The following TNC variants were observed in gnomAD, a reference collection of about 807,000 sequenced individuals.
TNC encodes tenascin C, also known as tenascin.
Under a neutral mutation model 202.4 loss-of-function variants are expected in TNC, and 109 were observed. The observed-to-expected ratio is 0.54, with a 90% CI of 0.46 to 0.63. The LOEUF is 0.63. Ranked by LOEUF, TNC falls within the 30% of genes least tolerant of loss-of-function variation. TNC has a pLI of 0.00. For missense variants in TNC, 2,756 were observed against 2,833.3 expected (o/e 0.97, Z 0.62); for synonymous variants, 1,007 against 1,089.7 (o/e 0.92, Z 1.50).
rs1834772792 is a variant in TNC, at chr9:115,086,722, T to C, written c.1009A>G (p.Thr337Ala). Residue 337 changes from threonine to alanine, a missense_variant, in exon 3 of 28, where the codon ACA becomes GCA. Thr to Ala is a moderately conservative substitution (Grantham distance 58, BLOSUM62 0). Transcript: ENST00000350763. ...NGTCYCEEGF[T>A]GEDCGKPTCP... ...GTGGGTTTCCCGCAGTCTTCACCTG[T>C]GAAGCCTTCTTCGCAGTAGCAGGTG... 6.2e-7 allele frequency: 1 copy of C among 1,613,942 alleles called. No homozygotes were observed.
At chr9:115,031,940 C>T (rs1380997924) in intron 22 of TNC, among the ~76,000 whole-genome samples, 1 of 152,102 alleles carries the variant, frequency 6.6e-6, no homozygotes, top group African/African-American at 2.4e-5. Flanking sequence ...GAGGGAGAGA[C>T]CGCATCTGGT....
chr9:115,069,610 CCCTCCCTCT>C (rs1833223612), intron 10 of TNC, among the ~76,000 whole-genome samples: 1 of 19,536 alleles, frequency 5.1e-5, no homozygotes, highest in East Asian at 9.8e-4. Context: ...CTCCCTCCCT[CCCTCCCTCT>C]CTCCCTCCCT....
At chr9:115,089,496 C>G (rs935262564) in intron 2 of TNC, among the ~76,000 whole-genome samples, 20 of 152,046 alleles carry the variant, frequency 1.3e-4, no homozygotes, top group African/African-American at 4.3e-4. Context: ...CTCTCTCTCT[C>G]TCTCTCTATC....
chr9:115,081,638 T>C, intron 6 of TNC, 134 bp downstream of exon 6: 1 of 1,028,696 alleles, frequency 9.7e-7, no homozygotes, highest in Non-Finnish European at 1.5e-6. Context: ...TTTAAACCAC[T>C]GTATCTGGAT....
At position 115,064,575 on chromosome 9, in the gene TNC, T is replaced by C. The variant is rs540184978; in HGVS notation, c.3487+72A>G. 21 of 1,508,674 alleles carry C rather than the reference T, an allele frequency of 1.4e-5. No homozygotes were observed. In the East Asian group the frequency reaches 4.5e-4, roughly 33 times the overall value. 93.5% of individuals were successfully genotyped at this position (1,508,674 alleles called of 1,614,324 possible). A position where few individuals can be genotyped will look rare whatever the true frequency, so the allele number is the denominator to read the frequency against. ...CAGAACAAGTCCATTCCAAAGCTAG[T>C]CGTGTCTGATTATTCATGGGCAGTT... On this transcript the variant is annotated intron_variant, in intron 11 of 27. Coordinates refer to ENST00000350763, the MANE Select transcript of TNC (RefSeq NM_002160.4).
intron 3 of TNC, among the ~76,000 whole-genome samples, 191 bp from the exon 4 acceptor site, chr9:115,084,663 C>T (rs112167003): frequency 1.8e-4 from 28 of 152,190 alleles, no homozygotes; most frequent in African/African-American, 6.8e-4. Context: ...GTTCCTTAGT[C>T]CATTTCCTTC....
intron 15 of TNC, among the ~76,000 whole-genome samples, chr9:115,050,647 C>A (rs1350140249): frequency 6.6e-6 from 1 of 152,150 alleles, no homozygotes; most frequent in African/African-American, 2.4e-5. Flanking sequence ...GTCTATTGTT[C>A]TATCTAGCCT....
In TNC at chr9:115,110,145, G is replaced by T. The variant is rs1296220308; in HGVS notation, c.-137+7837C>A. 3.9e-5 allele frequency among the ~76,000 whole-genome samples: 6 copies of T among 152,044 alleles called. 1 individual carries two copies. Among genetic ancestry groups the T allele is most frequent in the Admixed American group, 3.3e-4 (5 of 15,258 alleles). ...GTGGTGCCTGAACTGAATTTTGAGA[G>T]AAAAATATGAATAGGTGAAAAACAT... On this transcript the variant is annotated intron_variant, in intron 1 of 27. Transcript: ENST00000350763.
chr9:115,081,990 T>C, intron 5 of TNC, 62 bp from the exon 6 acceptor site: 1 of 1,458,472 alleles, frequency 6.9e-7, no homozygotes, highest in Non-Finnish European at 9.3e-7. Context: ...ATTTATGTGA[T>C]TCATTCACTC....
chr9:115,048,359 C>T lies in TNC; in HGVS notation c.4753G>A (p.Glu1585Lys), dbSNP rs754793893. The T allele has an allele frequency of 3.7e-6, 6 of 1,614,106 alleles. No homozygotes were observed. In the East Asian group the frequency reaches 8.9e-5, roughly 24 times the overall value. The part of the protein sequence containing the change: ...FTLSGTQRKL[E>K]LRGLITGIGY... ...ATGCCAGTTATGAGGCCTCTAAGCT[C>T]CAGCTTCCTCTGGGTTCCTGAAAGT... is the stretch of plus-strand genomic sequence containing the variant. Residue 1585 changes from glutamate (E) to lysine (K), a missense_variant, in exon 16 of 28, where the codon GAG (glutamate) becomes AAG (lysine). Coordinates refer to ENST00000350763, the MANE Select transcript of TNC (RefSeq NM_002160.4).
rs1832216637 is a variant in TNC at position 115,057,410 on chromosome 9, A to G, written c.4322T>C (p.Ile1441Thr). ...AEASTAKEPE[I>T]GNLNVSDITP... ...TATGTCAGAAACATTTAAGTTTCCA[A>G]TTTCAGGTTCTTTGGCTGTAAAAGG... Residue 1441 changes from isoleucine to threonine, a missense_variant, in exon 15 of 28, where the codon ATT becomes ACT. This residue lies in a region of TNC where 2,559 missense variants were observed against 2,546.0 expected (regional missense o/e 1.01). Transcript: ENST00000350763. The G allele has an allele frequency of 1.9e-6, 3 of 1,609,228 alleles. No homozygotes were observed. The highest frequency in any genetic ancestry group is 2.7e-5 in the African/African-American group (2 of 74,786).
intron 2 of TNC, among the ~76,000 whole-genome samples, chr9:115,087,532 G>A (rs1380067760): frequency 2.9e-4 from 2 of 6,788 alleles, no homozygotes; most frequent in Non-Finnish European, 1.6e-3. Context: ...ATAGGGGTGT[G>A]TGTGTGTGTG....
intron 11 of TNC, among the ~76,000 whole-genome samples, 174 bp from the exon 12 acceptor site, chr9:115,064,242 G>A (rs1170242035): frequency 6.6e-6 from 1 of 152,228 alleles, no homozygotes; most frequent in African/African-American, 2.4e-5. Context: ...AGAGGAAAGT[G>A]CAGGAAAATA....
intron 1 of TNC, among the ~76,000 whole-genome samples, chr9:115,099,301 C>T (rs1245340506): frequency 6.6e-6 from 1 of 152,124 alleles, no homozygotes; most frequent in Non-Finnish European, 1.5e-5. Context: ...AGGTCTTGCC[C>T]TTAATGAGCT....
chr9:115,075,416 T>C (rs1346941390), intron 9 of TNC, among the ~76,000 whole-genome samples: 1 of 152,162 alleles, frequency 6.6e-6, no homozygotes. Flanking sequence ...TAGATAATGG[T>C]TTATTTAAAA....
intron 6 of TNC, 33 bp from the exon 7 acceptor site, chr9:115,078,245 G>C (rs1834034492): frequency 3.2e-6 from 5 of 1,574,340 alleles, no homozygotes; most frequent in Non-Finnish European, 3.5e-6. Flanking sequence ...AGGCTTCAGA[G>C]GTTAGGGCCA....
Position 115,026,709 on chromosome 9 carries a change from G to T in TNC, c.6170-14C>A. The T allele has an allele frequency of 6.2e-7, 1 of 1,612,794 alleles. No homozygotes were observed. The highest frequency in any genetic ancestry group is 1.1e-5 in the South Asian group (1 of 90,944). ...GGTTGTCCAGCCCTGTGGATGACAG[G>T]CAAGGGTTGCTAAGAAGCACAGGTG... On this transcript the variant is annotated splice_polypyrimidine_tract_variant and intron_variant, in intron 25 of 27. Coordinates refer to ENST00000350763, the MANE Select transcript of TNC (RefSeq NM_002160.4).
intron 13 of TNC, 108 bp downstream of exon 13, chr9:115,062,809 G>A (rs1832649301): frequency 1.8e-5 from 23 of 1,287,792 alleles, no homozygotes; most frequent in Non-Finnish European, 2.3e-5. Flanking sequence ...GATTCACGCT[G>A]TCTGTCAACA....
chr9:115,063,070 C>G lies in TNC; in HGVS notation c.3880G>C (p.Asp1294His), dbSNP rs1437761594. 4 of 1,614,142 alleles carry G rather than the reference C, an allele frequency of 2.5e-6. No homozygotes were observed. The highest frequency in any genetic ancestry group is 3.4e-6 in the Non-Finnish European group (4 of 1,180,022). Reference protein sequence around the residue: ...DQFTIQVQEADQVEEAHNLTV... With the variant: ...DQFTIQVQEAHQVEEAHNLTV... ...AGATTGTGAGCCTCTTCCACCTGGT[C>G]AGCCTCCTGGACCTGAATAGTAAAC... is the stretch of plus-strand genomic sequence containing the variant. The change falls in exon 13 of 28, where the codon GAC (aspartate) becomes CAC (histidine). Residue 1294 changes from aspartate (D) to histidine (H), a missense_variant. Physicochemically the swap from Asp to His is moderately conservative, Grantham distance 81. Coordinates refer to ENST00000350763, the MANE Select transcript of TNC (RefSeq NM_002160.4).
Sources: gnomAD v4.1 joint callset for allele counts (sites outside exome capture counted in the v4.1 genomes callset) on GRCh38, gnomAD v4.1.1 for gene constraint, gnomAD v4.1.1 regional missense constraint, MANE v1.5 for transcripts, NCBI Gene and HGNC (gene_info 2026-07-23, HGNC 2026-07-21) for gene names.